EDNRB: variants seen among roughly 807,000 people sequenced by gnomAD.
EDNRB encodes the protein endothelin receptor type B.
Under a neutral mutation model 46.4 loss-of-function variants are expected in EDNRB, and 18 were observed. The ratio of observed to expected loss-of-function variants is 0.39; its 90% CI spans 0.27 to 0.57. The LOEUF is 0.57. Ranked by LOEUF, EDNRB falls within the 20% of genes least tolerant of loss-of-function variation. The pLI, the probability that EDNRB is intolerant of heterozygous loss-of-function variation, is 0.61. For missense variants in EDNRB, 434 were observed against 537.5 expected, an observed-to-expected ratio of 0.81 and a Z score of 1.90; for synonymous variants, 213 against 204.9, an observed-to-expected ratio of 1.04 and a Z score of -0.34.
intron 1 of EDNRB, among the ~76,000 whole-genome samples, chr13:77,906,050 G>T (rs1879258602): frequency 6.6e-6 from 1 of 151,898 alleles, no homozygotes; most frequent in Non-Finnish European, 1.5e-5. Context: ...GTGGTGAGCT[G>T]GATCCTGTGC....
chr13:77,974,651 T>G (rs541434472), intron 1 of EDNRB, among the ~76,000 whole-genome samples: 19 of 151,636 alleles, frequency 1.3e-4, no homozygotes, highest in African/African-American at 4.6e-4. Flanking sequence ...TGCCAGCCAC[T>G]TATGCTGCAA....
intron 1 of EDNRB, among the ~76,000 whole-genome samples, chr13:77,907,989 T>A: frequency 7.4e-6 from 1 of 135,448 alleles, no homozygotes; most frequent in Non-Finnish European, 1.5e-5. Flanking sequence ...ATTACAGTTT[T>A]CTAGTCTACA....
intron 1 of EDNRB, among the ~76,000 whole-genome samples, chr13:77,944,465 A>C (rs773913652): frequency 3.5e-5 from 5 of 143,790 alleles, no homozygotes; most frequent in East Asian, 2.7e-4. Flanking sequence ...TATATTTACA[A>C]GTTTTTTTTT....
In EDNRB at chr13:77,957,934, G is replaced by A. The variant is rs12720125; in HGVS notation, c.-52+17413C>T. ...ATAAATTGATTTACTCCAAGGCCAC[G>A]TTTTTGTTTTTGCTATATGTTAGAG... On this transcript the variant is annotated intron_variant, in intron 1 of 7. Transcript: ENST00000646948. Among the ~76,000 whole-genome samples the A allele has an allele frequency of 4.6e-4, 70 of 152,252 alleles. No homozygotes were observed. The Middle Eastern group carries it at 0.01, about 22-fold the overall frequency.
At chr13:77,927,663 T>C (rs932543229) in intron 1 of EDNRB, among the ~76,000 whole-genome samples, 8 of 152,222 alleles carry the variant, frequency 5.3e-5, no homozygotes, top group Non-Finnish European at 1.0e-4. Flanking sequence ...ATATTTAGAC[T>C]GTCACAATTT....
chr13:77,955,577 CTA>C (rs1180646193), intron 1 of EDNRB, among the ~76,000 whole-genome samples: 30 of 152,014 alleles, frequency 2.0e-4, no homozygotes, highest in African/African-American at 7.2e-4. Flanking sequence ...ATATTTTTCC[CTA>C]TGTTTTCTTC....
rs1594373038 is a variant in EDNRB at position 77,918,005 on chromosome 13, G to C, written c.483+86C>G. ...AACCTTAAGAGGGAGCTAAAGGGAA[G>C]CTCCCTCTACAAGCTTTCTCATCTC... is the stretch of plus-strand genomic sequence containing the variant. On this transcript the variant is annotated intron_variant, in intron 1 of 6. Transcript: ENST00000646607. The surrounding 1 kb of genome is among the most constrained non-coding windows in gnomAD (Gnocchi z 4.5). 6.2e-7 allele frequency: 1 copy of C among 1,602,662 alleles called. No homozygotes were observed. Among genetic ancestry groups the C allele is most frequent in the Non-Finnish European group, 8.5e-7 (1 of 1,172,504 alleles).
intron 1 of EDNRB, among the ~76,000 whole-genome samples, chr13:77,958,983 T>G (rs904453926): frequency 1.3e-5 from 2 of 152,162 alleles, no homozygotes; most frequent in Non-Finnish European, 2.9e-5. Context: ...CATGGTGGTG[T>G]TGTTGGGAGA....
chr13:77,903,411 T>G, intron 2 of EDNRB, 51 bp from the exon 3 acceptor site: 7 of 1,611,316 alleles, frequency 4.3e-6, no homozygotes, highest in Non-Finnish European at 5.9e-6. Context: ...TTAGTTTTAT[T>G]GAATTGCACA....
intron 1 of EDNRB, among the ~76,000 whole-genome samples, chr13:77,953,600 A>T (rs1881153923): frequency 6.6e-6 from 1 of 152,144 alleles, no homozygotes; most frequent in Admixed American, 6.5e-5. Flanking sequence ...GGACTAAACG[A>T]TGGAAAACCT....
intron 1 of EDNRB, among the ~76,000 whole-genome samples, chr13:77,942,430 G>A (rs1880780441): frequency 6.6e-6 from 1 of 152,044 alleles, no homozygotes. Context: ...AAATGAAGCT[G>A]TGCAGAGATG....
chr13:77,944,151 C>G (rs188317153), intron 1 of EDNRB, among the ~76,000 whole-genome samples: 20 of 152,066 alleles, frequency 1.3e-4, no homozygotes, highest in Non-Finnish European at 2.6e-4. Context: ...TGATAAAATA[C>G]AGATTTCATG....
chr13:77,927,197 G>C (rs901010837), intron 1 of EDNRB, among the ~76,000 whole-genome samples: 1 of 152,124 alleles, frequency 6.6e-6, no homozygotes, highest in Admixed American at 6.5e-5. Flanking sequence ...ACTTCTCATA[G>C]TAGACGCCTG....
chr13:77,901,031 A>T, intron 4 of EDNRB, 27 bp downstream of exon 4: 1 of 1,607,418 alleles, frequency 6.2e-7, no homozygotes, highest in Non-Finnish European at 8.5e-7. Context: ...TTCAACCACG[A>T]GTTATCAAAT....
chr13:77,943,677 T>C (rs1341796122), intron 1 of EDNRB, among the ~76,000 whole-genome samples: 4 of 152,092 alleles, frequency 2.6e-5, no homozygotes, highest in African/African-American at 7.2e-5. Flanking sequence ...AATCTAATTG[T>C]TTTTGGCCTT....
At chr13:77,922,993 T>A (rs1350625766), upstream of EDNRB, among the ~76,000 whole-genome samples, 6 of 152,176 alleles carry the variant, frequency 3.9e-5, no homozygotes, top group Non-Finnish European at 7.3e-5. Context: ...ACTCATAAAT[T>A]AGAGGTGTGA....
rs202068468 is a variant in EDNRB at position 77,903,350 on chromosome 13, C to T, written c.607G>A (p.Val203Ile). ...CCTTTAATTCTACTCCAAGAAGCAA[C>T]AGCTCGATATCTGAAGATAAAAATA... ...CALSIDRYRAVASWSRIKGIG... is the reference protein window; with the variant it reads ...CALSIDRYRAIASWSRIKGIG... The change falls in exon 3 of 7, where the codon GTT becomes ATT. Residue 203 changes from valine (V) to isoleucine (I), a missense_variant. By Grantham distance (29) the Val-to-Ile change is conservative. Transcript: ENST00000646607. The T allele has an allele frequency of 6.2e-7, 1 of 1,612,886 alleles. No homozygotes were observed. Among genetic ancestry groups the T allele is most frequent in the South Asian group, 1.1e-5 (1 of 91,058 alleles).
At chr13:77,900,054 A>G in intron 5 of EDNRB, 87 bp from the exon 6 acceptor site, 1 of 1,084,948 alleles carries the variant, frequency 9.2e-7, no homozygotes, top group Middle Eastern at 2.7e-4. Flanking sequence ...TGTAAGGAAA[A>G]AAAATGCCAA....
At chr13:77,955,848 T>TCTATCTATCTATCTATCTAA (rs1881220617) in intron 1 of EDNRB, among the ~76,000 whole-genome samples, 1 of 76,622 alleles carries the variant, frequency 1.3e-5, no homozygotes, top group African/African-American at 4.9e-5. Flanking sequence ...TGTGTGTGTA[T>TCTATCTATCTATCTATCTAA]CTATCTATCT....
Sources: gnomAD v4.1 joint callset for allele counts (sites outside exome capture counted in the v4.1 genomes callset) on GRCh38, gnomAD v4.1.1 for gene constraint, Gnocchi (gnomAD v3.1) non-coding constraint, MANE v1.5 for transcripts, NCBI Gene and HGNC (gene_info 2026-07-23, HGNC 2026-07-21) for gene names.